The following FCRL1 variants were observed in gnomAD, a reference collection of about 807,000 sequenced individuals.
FCRL1 encodes Fc receptor-like protein 1.
In FCRL1, 34 loss-of-function variants were observed where a neutral mutation model predicts 49.2. The observed-to-expected ratio is 0.69, with a 90% CI of 0.53 to 0.92. The LOEUF (loss-of-function observed/expected upper bound fraction) is 0.92. Ranked by LOEUF, FCRL1 falls within the 40% of genes least tolerant of loss-of-function variation. The probability of loss-of-function intolerance (pLI) is 0.00; values close to 1 mark genes in which losing one functional copy is unlikely to be tolerated. For synonymous variants in FCRL1, 218 were observed against 201.6 expected (o/e 1.08, Z -0.69); for missense variants, 524 against 524.1 (o/e 1.00, Z 0.00).
chr1:157,800,827 A>C (rs1652326838), intron 6 of FCRL1, among the ~76,000 whole-genome samples: 1 of 152,008 alleles, frequency 6.6e-6, no homozygotes, highest in African/African-American at 2.4e-5. Flanking sequence ...ACTGCGATAT[A>C]GTCAGGATAG....
intron 2 of FCRL1, 142 bp from the exon 3 acceptor site, chr1:157,804,253 C>CCT (rs1653036887): frequency 2.1e-6 from 2 of 942,242 alleles, no homozygotes; most frequent in South Asian, 1.7e-5. Flanking sequence ...TCCACCCCCC[C>CCT]CCCAGTGGCC....
At chr1:157,806,922 G>A (rs1227335934) in intron 2 of FCRL1, 180 bp downstream of exon 2, 1 of 605,248 alleles carries the variant, frequency 1.7e-6, no homozygotes, top group Non-Finnish European at 3.0e-6. Flanking sequence ...AGAGACTGAT[G>A]TGAAGACAGA....
chr1:157,802,151 G>A lies in FCRL1; in HGVS notation c.650C>T (p.Ala217Val), dbSNP rs773514284. 5.6e-6 allele frequency: 9 copies of A among 1,613,972 alleles called. No homozygotes were observed. The highest frequency in any genetic ancestry group is 1.3e-5 in the African/African-American group (1 of 74,930). ...RPILMLRAPR[A>V]QAAVEDVLEL... is the part of the protein sequence containing the mutation. ...CAGCACATCCTCCACTGCAGCCTGG[G>A]CCCTGGGAGCCCTGAGCATGAGGAT... Residue 217 changes from alanine to valine, a missense_variant, in exon 5 of 11, where the codon GCC (alanine) becomes GTC (valine). Physicochemically the swap from Ala to Val is moderately conservative, Grantham distance 64 (BLOSUM62 0). Coordinates refer to ENST00000368176, the MANE Select transcript of FCRL1 (RefSeq NM_052938.5).
chr1:157,797,217 T>C, intron 9 of FCRL1, 85 bp from the exon 10 acceptor site: 2 of 1,213,140 alleles, frequency 1.6e-6, no homozygotes, highest in South Asian at 2.4e-5. Flanking sequence ...CTTCTTCCTC[T>C]CCCATCTATT....
chr1:157,802,866 A>G (rs1368815753), intron 3 of FCRL1, among the ~76,000 whole-genome samples: 2 of 152,198 alleles, frequency 1.3e-5, no homozygotes, highest in Non-Finnish European at 1.5e-5. Flanking sequence ...ATTACCATAC[A>G]AGGCATAGCA....
In FCRL1 at chr1:157,795,019, C is replaced by T. The variant is rs1351074416; in HGVS notation, c.*1080G>A. 1 of 152,124 alleles carries T rather than the reference C, an allele frequency of 6.6e-6. No homozygotes were observed. The highest frequency in any genetic ancestry group is 1.5e-5 in the Non-Finnish European group (1 of 68,018). The allele number at this position is 152,124 out of a possible 1,614,324, so 9.4% of individuals were successfully genotyped here. A position where few individuals can be genotyped will look rare whatever the true frequency, so the allele number is the denominator to read the frequency against. Reference sequence around the variant, plus strand: ...AGAGAGCTACCTGTAAAGTTTTTAACAATAGTTAACATTTGTGTTAACTTA... The same window carrying T: ...AGAGAGCTACCTGTAAAGTTTTTAATAATAGTTAACATTTGTGTTAACTTA... On this transcript the variant is annotated 3_prime_UTR_variant, in exon 11 of 11. Transcript: ENST00000368176.
intron 6 of FCRL1, among the ~76,000 whole-genome samples, chr1:157,801,179 C>T (rs112383670): frequency 4.2e-4 from 64 of 152,234 alleles, no homozygotes; most frequent in Admixed American, 1.4e-3. Context: ...CGTGAGCCAC[C>T]GCCCCCGGCC....
intron 2 of FCRL1, among the ~76,000 whole-genome samples, chr1:157,805,992 C>T (rs1653376823): frequency 6.6e-6 from 1 of 152,176 alleles, no homozygotes; most frequent in East Asian, 1.9e-4. Flanking sequence ...GGGTGGATTG[C>T]AAGGGTCTGG....
chr1:157,798,226 A>G lies in FCRL1; in HGVS notation c.1049T>C (p.Leu350Pro), dbSNP rs1284149798. ...RDPLRSLPSPLPQEFTYLNSP... is the reference protein window; with the variant it reads ...RDPLRSLPSPPPQEFTYLNSP... The stretch of plus-strand genomic sequence containing the variant: ...GTTGAGGTAGGTGAACTCTTGGGGT[A>G]GAGGGCTGGGAAGGCTCCTGCAAAC... The change falls in exon 8 of 11, where the codon CTA becomes CCA. Residue 350 changes from leucine (L) to proline (P), a missense_variant. By Grantham distance (98) the Leu-to-Pro change is moderately conservative. Coordinates refer to ENST00000368176, the MANE Select transcript of FCRL1 (RefSeq NM_052938.5). 4 of 1,612,634 alleles carry G rather than the reference A, an allele frequency of 2.5e-6. No homozygotes were observed. Among genetic ancestry groups the G allele is most frequent in the Non-Finnish European group, 2.5e-6 (3 of 1,179,294 alleles).
At chr1:157,808,154 G>A (rs1034010958) in intron 1 of FCRL1, among the ~76,000 whole-genome samples, 2 of 152,206 alleles carry the variant, frequency 1.3e-5, no homozygotes, top group African/African-American at 4.8e-5. Flanking sequence ...AGTGCTCACT[G>A]TATGCCAGAC....
chr1:157,816,236 T>A lies in FCRL1; in HGVS notation c.31+3771A>T, dbSNP rs540799802. On this transcript the variant is annotated intron_variant, in intron 1 of 10. Transcript: ENST00000368176. ...GCAAACCAAATTCAACAGAACATTTTAAAAATTCATTTACCATGATCAATG... is the reference window on the plus strand; with the variant it reads ...GCAAACCAAATTCAACAGAACATTTAAAAAATTCATTTACCATGATCAATG... 9.3e-4 allele frequency among the ~76,000 whole-genome samples: 142 copies of A among 152,020 alleles called. 2 individuals are homozygous for A. The South Asian group carries it at 0.028, about 30-fold the overall frequency.
chr1:157,807,325 T>C (rs893375007), intron 1 of FCRL1, among the ~76,000 whole-genome samples: 2 of 152,034 alleles, frequency 1.3e-5, no homozygotes, highest in Admixed American at 1.3e-4. Flanking sequence ...ATCTTACCCC[T>C]GCTTCTTTTC....
rs1652569848 is a variant in FCRL1, at chr1:157,802,024, T to C, written c.777A>G (p.Gly259=). ...LGSRSAPSGG[G]ASFNLSLTEE... ...CAGTCAGGGAAAGGTTGAAGGAGGC[T>C]CCTCCTCCAGAGGGGGCCGACCTGC... The change falls in exon 5 of 11, where the codon GGA becomes GGG. Residue 259 remains glycine (G), a synonymous_variant. Coordinates refer to ENST00000368176, the MANE Select transcript of FCRL1 (RefSeq NM_052938.5). The C allele has an allele frequency of 6.2e-7, 1 of 1,614,152 alleles. No individual in the cohort carries two copies. Among genetic ancestry groups the C allele is most frequent in the Admixed American group, 1.7e-5 (1 of 60,020 alleles).
chr1:157,804,698 A>G (rs1653118163), intron 2 of FCRL1, among the ~76,000 whole-genome samples: 1 of 152,092 alleles, frequency 6.6e-6, no homozygotes, highest in East Asian at 1.9e-4. Context: ...TTTCTATTAG[A>G]AGAAATGGGG....
At chr1:157,804,283 T>G in intron 2 of FCRL1, 172 bp from the exon 3 acceptor site, 1 of 677,342 alleles carries the variant, frequency 1.5e-6, no homozygotes, top group Non-Finnish European at 2.4e-6. Context: ...TCCTTTGCCA[T>G]GAACTCACCC....
In FCRL1 at chr1:157,802,472, G is replaced by T. The variant is rs1652691360; in HGVS notation, c.512C>A (p.Pro171His). The T allele has an allele frequency of 1.2e-6, 2 of 1,614,054 alleles. No individual in the cohort carries two copies. The highest frequency in any genetic ancestry group is 2.2e-5 in the South Asian group (2 of 91,086). ...CTCAGCATCACTCTCCCTCACTGAA[G>T]GAATCTCATACTCTGCTGTCAGTGA... ...QRSLTAEYEI[P>H]SVRESDAEQY... is the part of the protein sequence containing the mutation. The change falls in exon 4 of 11, where the codon CCT (proline) becomes CAT (histidine). Residue 171 changes from proline (P) to histidine (H), a missense_variant. Coordinates refer to ENST00000368176, the MANE Select transcript of FCRL1 (RefSeq NM_052938.5).
At chr1:157,819,254 G>A (rs972267867) in intron 1 of FCRL1, among the ~76,000 whole-genome samples, 1 of 151,824 alleles carries the variant, frequency 6.6e-6, no homozygotes, top group Non-Finnish European at 1.5e-5. Flanking sequence ...GAGATTTGGG[G>A]GTCCTACACT....
chr1:157,812,888 C>G (rs1367283798), intron 1 of FCRL1, among the ~76,000 whole-genome samples: 1 of 152,088 alleles, frequency 6.6e-6, no homozygotes, highest in Non-Finnish European at 1.5e-5. Context: ...CAGGAAGATC[C>G]CTAAAGCTCT....
chr1:157,802,031 C>T lies in FCRL1; in HGVS notation c.770G>A (p.Gly257Glu). Residue 257 changes from glycine (G) to glutamate (E), a missense_variant, in exon 5 of 11, where the codon GGA (glycine) becomes GAA (glutamate). Gly to Glu is a moderately conservative substitution (Grantham distance 98). Transcript: ENST00000368176. ...ITLGSRSAPS[G>E]GGASFNLSLT... ...GGAAAGGTTGAAGGAGGCTCCTCCT[C>T]CAGAGGGGGCCGACCTGCTCCCCAG... is the stretch of plus-strand genomic sequence containing the variant. 1 of 1,614,216 alleles carries T rather than the reference C, an allele frequency of 6.2e-7. No individual in the cohort carries two copies. Among genetic ancestry groups the T allele is most frequent in the Non-Finnish European group, 8.5e-7 (1 of 1,180,040 alleles).
Sources: gnomAD v4.1 joint callset for allele counts (sites outside exome capture counted in the v4.1 genomes callset) on GRCh38, gnomAD v4.1.1 for gene constraint, MANE v1.5 for transcripts, NCBI Gene and HGNC (gene_info 2026-07-23, HGNC 2026-07-21) for gene names.